The following DTNA variants were observed in gnomAD, a reference collection of about 807,000 sequenced individuals.
DTNA encodes dystrophin-related protein 3.
In DTNA, 43 loss-of-function variants were observed where a neutral mutation model predicts 100.7. That is an observed-to-expected ratio of 0.43 (90% CI 0.33 to 0.55). The LOEUF is 0.55. Ranked by LOEUF, DTNA falls within the 20% of genes least tolerant of loss-of-function variation. DTNA has a pLI of 0.04. For synonymous variants in DTNA, 349 were observed against 347.9 expected (o/e 1.00, Z -0.04); for missense variants, 798 against 953.9 (o/e 0.84, Z 2.15).
chr18:34,569,539 T>C (rs1183873942), intron 1 of DTNA, among the ~76,000 whole-genome samples: 1 of 152,164 alleles, frequency 6.6e-6, no homozygotes, highest in Non-Finnish European at 1.5e-5. Flanking sequence ...AGGATTCATC[T>C]AACTCAAATG....
At chr18:34,791,297 C>T (rs1383685674) in intron 3 of DTNA, among the ~76,000 whole-genome samples, 2 of 152,164 alleles carry the variant, frequency 1.3e-5, no homozygotes, top group Admixed American at 6.6e-5. Context: ...CCATGCTCCT[C>T]TCCCCAGATG....
intron 1 of DTNA, among the ~76,000 whole-genome samples, chr18:34,600,846 A>C (rs1357941192): frequency 6.6e-6 from 1 of 152,182 alleles, no homozygotes; most frequent in Non-Finnish European, 1.5e-5. Context: ...TTTCCTTCTC[A>C]CTTATACAAT....
At chr18:34,551,487 T>C (rs924928184) in intron 1 of DTNA, among the ~76,000 whole-genome samples, 1 of 152,164 alleles carries the variant, frequency 6.6e-6, no homozygotes, top group Non-Finnish European at 1.5e-5. Flanking sequence ...TGGATATTTT[T>C]TTTTGTCAAT....
At chr18:34,644,005 TTATC>T (rs2059571228) in intron 1 of DTNA, among the ~76,000 whole-genome samples, 2 of 152,284 alleles carry the variant, frequency 1.3e-5, no homozygotes, top group South Asian at 4.1e-4. Flanking sequence ...TCTCTCTAAA[TTATC>T]TATCACTCTT....
chr18:34,710,092 TG>T (rs1368131367), upstream of DTNA, among the ~76,000 whole-genome samples: 1 of 152,200 alleles, frequency 6.6e-6, no homozygotes, highest in African/African-American at 2.4e-5. Flanking sequence ...ATTTTTTTCT[TG>T]TTCATGAAGT....
chr18:34,731,790 C>T (rs1447016991), intron 1 of DTNA, among the ~76,000 whole-genome samples: 3 of 152,162 alleles, frequency 2.0e-5, no homozygotes, highest in Non-Finnish European at 4.4e-5. Flanking sequence ...ATATTTAACT[C>T]TTTATTGTAT....
At chr18:34,553,520 G>A (rs1395906628) in intron 1 of DTNA, among the ~76,000 whole-genome samples, 282 of 151,908 alleles carry the variant, frequency 1.9e-3, no homozygotes, top group Non-Finnish European at 3.0e-3. Context: ...TAGGTCTAAC[G>A]ATTAAGTCTT....
chr18:34,661,469 G>A (rs1369728225), intron 1 of DTNA, among the ~76,000 whole-genome samples: 1 of 152,068 alleles, frequency 6.6e-6, no homozygotes, highest in African/African-American at 2.4e-5. Flanking sequence ...TCCTACTTGG[G>A]CTGATATCCC....
intron 1 of DTNA, among the ~76,000 whole-genome samples, chr18:34,518,302 T>G (rs1264634046): frequency 6.6e-6 from 1 of 152,162 alleles, no homozygotes; most frequent in Non-Finnish European, 1.5e-5. Context: ...TGGTAGGTTT[T>G]GAGAGTCCAT....
At chr18:34,733,644 A>G (rs2088850814) in intron 1 of DTNA, among the ~76,000 whole-genome samples, 2 of 152,192 alleles carry the variant, frequency 1.3e-5, no homozygotes, top group African/African-American at 4.8e-5. Context: ...TCAAAGATGC[A>G]GGTGCTGCCC....
At chr18:34,548,417 T>G (rs568005250) in intron 1 of DTNA, among the ~76,000 whole-genome samples, 13 of 152,044 alleles carry the variant, frequency 8.6e-5, no homozygotes, top group Non-Finnish European at 1.9e-4. Context: ...TGAATTCTTT[T>G]CAATATTTTT....
chr18:34,864,374 C>G (rs935677872), intron 17 of DTNA, among the ~76,000 whole-genome samples: 2 of 152,002 alleles, frequency 1.3e-5, no homozygotes, highest in African/African-American at 4.8e-5. Context: ...CCTCAGCCCC[C>G]CGCCGAGTAG....
At chr18:34,821,497 G>T (rs748540022) in intron 9 of DTNA, 4 of 456,332 alleles carry the variant, frequency 8.8e-6, no homozygotes, top group South Asian at 1.5e-5. Context: ...GTGGCAGAAG[G>T]TGTTGGGCCA....
intron 1 of DTNA, among the ~76,000 whole-genome samples, chr18:34,678,314 T>G (rs1384937865): frequency 6.6e-6 from 1 of 152,172 alleles, no homozygotes; most frequent in Non-Finnish European, 1.5e-5. Context: ...ATAGGAAGCC[T>G]GAACCCAGTC....
chr18:34,667,082 G>A (rs1269999674), intron 1 of DTNA, among the ~76,000 whole-genome samples: 3 of 152,154 alleles, frequency 2.0e-5, no homozygotes, highest in South Asian at 2.1e-4. Flanking sequence ...ATTTGTTTGT[G>A]TCCTCTTTTA....
chr18:34,881,841 C>T (rs1025731775), intron 20 of DTNA, among the ~76,000 whole-genome samples: 8 of 145,208 alleles, frequency 5.5e-5, no homozygotes, highest in African/African-American at 1.1e-4. Flanking sequence ...GACCAATGAT[C>T]GCAACTGCCA....
At chr18:34,536,175 G>T (rs2043691789) in intron 1 of DTNA, among the ~76,000 whole-genome samples, 1 of 151,866 alleles carries the variant, frequency 6.6e-6, no homozygotes, top group Non-Finnish European at 1.5e-5. Context: ...ATTATAAATA[G>T]ATGCTTGTAA....
chr18:34,508,643 A>G (rs1169015305), intron 1 of DTNA, among the ~76,000 whole-genome samples: 3 of 152,196 alleles, frequency 2.0e-5, no homozygotes, highest in Non-Finnish European at 4.4e-5. Flanking sequence ...CCAGCCCTGA[A>G]TATGATTCAG....
rs544158380 is a variant in DTNA, at chr18:34,668,846, C to G, written c.-1-87130C>G. ...TTGCTGAGGAGTGCTTTACTTCCAACTATGTGGTCAATTTTGGAATAGGTG... is the reference window on the plus strand; with the variant it reads ...TTGCTGAGGAGTGCTTTACTTCCAAGTATGTGGTCAATTTTGGAATAGGTG... On this transcript the variant is annotated intron_variant, in intron 1 of 19. Coordinates refer to the DTNA transcript ENST00000283365. 3.1e-3 allele frequency among the ~76,000 whole-genome samples: 471 copies of G among 152,150 alleles called. 2 individuals carry two copies. Among genetic ancestry groups the G allele is most frequent in the African/African-American group, 0.011 (440 of 41,502 alleles).
Sources: allele counts gnomAD v4.1 joint callset (sites outside exome capture counted in the v4.1 genomes callset), GRCh38; gene constraint gnomAD v4.1.1; transcripts MANE v1.5; gene names NCBI Gene and HGNC (gene_info 2026-07-23, HGNC 2026-07-21).